IL1RAPL1: variants seen among roughly 807,000 people sequenced by gnomAD.
IL1RAPL1 encodes the protein interleukin 1 receptor accessory protein like 1.
In IL1RAPL1, 3 loss-of-function variants were observed where a neutral mutation model predicts 48.4. The ratio of observed to expected loss-of-function variants is 0.06; its 90% CI spans 0.03 to 0.16. IL1RAPL1 has a LOEUF of 0.16. IL1RAPL1 is among the 10% of genes least tolerant of loss of function. The pLI is 1.00. For missense variants in IL1RAPL1, 349 were observed against 530.6 expected, an observed-to-expected ratio of 0.66 and a Z score of 3.36; for synonymous variants, 185 against 187.7, an observed-to-expected ratio of 0.99 and a Z score of 0.12.
intron 6 of IL1RAPL1, among the ~76,000 whole-genome samples, chrX:29,863,914 G>A (rs1601856772): frequency 1.8e-5 from 2 of 111,412 alleles, no homozygotes; most frequent in African/African-American, 3.3e-5. Context: ...AGCCTCCCAA[G>A]TAGCTGGGAT....
intron 2 of IL1RAPL1, among the ~76,000 whole-genome samples, chrX:29,186,617 A>C (rs1930257251): frequency 9.0e-6 from 1 of 111,299 alleles, no homozygotes; most frequent in Non-Finnish European, 1.9e-5. Context: ...AGGAAAAAGA[A>C]AATTCATCTC....
chrX:29,339,075 TAC>T (rs758487838), intron 3 of IL1RAPL1, among the ~76,000 whole-genome samples: 1,606 of 92,098 alleles, frequency 0.017, 20 homozygotes, highest in East Asian at 0.045. Context: ...GCTGGGTAAA[TAC>T]ACACACACAC....
intron 2 of IL1RAPL1, among the ~76,000 whole-genome samples, chrX:28,984,633 C>G (rs1401894218): frequency 2.7e-5 from 3 of 111,158 alleles, no homozygotes; most frequent in Admixed American, 9.7e-5. Flanking sequence ...GGCATCCTTC[C>G]TTTCTCTCAT....
intron 6 of IL1RAPL1, among the ~76,000 whole-genome samples, chrX:29,697,343 TACAACTGTA>T (rs745829902): frequency 8.9e-6 from 1 of 112,658 alleles, no homozygotes; most frequent in Admixed American, 9.4e-5. Flanking sequence ...GTGGCTTACA[TACAACTGTA>T]AGAATGATCA....
chrX:29,546,344 T>C (rs1921626339), intron 5 of IL1RAPL1, among the ~76,000 whole-genome samples: 1 of 111,478 alleles, frequency 9.0e-6, no homozygotes, highest in Non-Finnish European at 1.9e-5. Flanking sequence ...CTATACAGCC[T>C]GACTTTAGTG....
At chrX:29,255,855 C>G (rs1243336725) in intron 2 of IL1RAPL1, among the ~76,000 whole-genome samples, 1 of 111,405 alleles carries the variant, frequency 9.0e-6, no homozygotes, top group Admixed American at 9.6e-5. Flanking sequence ...TTATCCAGTC[C>G]ACTGTTGATG....
chrX:29,492,503 T>G (rs1253889048), intron 5 of IL1RAPL1, among the ~76,000 whole-genome samples: 1 of 111,796 alleles, frequency 8.9e-6, no homozygotes, highest in African/African-American at 3.3e-5. Context: ...TTCCAGAAGT[T>G]TCTCACATTC....
intron 6 of IL1RAPL1, among the ~76,000 whole-genome samples, chrX:29,846,397 G>A (rs958772290): frequency 1.8e-5 from 2 of 111,866 alleles, no homozygotes; most frequent in Non-Finnish European, 1.9e-5. Flanking sequence ...GAGGACGGAA[G>A]AAATAGACTC....
chrX:29,044,315 A>C (rs1215782250), intron 2 of IL1RAPL1, among the ~76,000 whole-genome samples: 1 of 110,524 alleles, frequency 9.0e-6, no homozygotes, highest in Non-Finnish European at 1.9e-5. Context: ...CTATAATTCC[A>C]GATACTCAGG....
intron 6 of IL1RAPL1, among the ~76,000 whole-genome samples, chrX:29,827,076 T>C (rs145260806): frequency 1.8e-5 from 2 of 112,327 alleles, no homozygotes; most frequent in East Asian, 2.8e-4. Flanking sequence ...AGCAACTCAC[T>C]GTGGTTTTGA....
intron 2 of IL1RAPL1, among the ~76,000 whole-genome samples, chrX:28,922,773 C>G (rs918796667): frequency 1.5e-4 from 17 of 111,848 alleles, no homozygotes; most frequent in African/African-American, 5.2e-4. Flanking sequence ...TTATCTACTA[C>G]TTATATAAGG....
intron 1 of IL1RAPL1, among the ~76,000 whole-genome samples, chrX:28,703,173 C>G (rs781031080): frequency 9.0e-6 from 1 of 111,432 alleles, no homozygotes; most frequent in African/African-American, 3.3e-5. Flanking sequence ...GTCTTACTTT[C>G]TACCTGTGTG....
intron 1 of IL1RAPL1, among the ~76,000 whole-genome samples, chrX:28,636,993 A>G (rs764267825): frequency 8.9e-6 from 1 of 111,749 alleles, no homozygotes; most frequent in East Asian, 2.8e-4. Flanking sequence ...ACAGTGGCAT[A>G]AGGATCCTTA....
intron 5 of IL1RAPL1, among the ~76,000 whole-genome samples, chrX:29,646,830 A>G (rs765785243): frequency 1.8e-5 from 2 of 111,556 alleles, no homozygotes; most frequent in South Asian, 3.7e-4. Context: ...AAGGAAAAAC[A>G]TGCCCACCAA....
At chrX:29,306,552 A>C (rs1226182049) in intron 3 of IL1RAPL1, among the ~76,000 whole-genome samples, 4 of 100,064 alleles carry the variant, frequency 4.0e-5, no homozygotes, top group Admixed American at 1.1e-4. Context: ...AAAAAAAAAA[A>C]ACGAAAAAAC....
intron 5 of IL1RAPL1, among the ~76,000 whole-genome samples, chrX:29,601,363 T>C (rs6526900): frequency 0.43 from 47,980 of 111,008 alleles, 8,465 homozygotes; most frequent in African/African-American, 0.67. Context: ...GATGCCTAGA[T>C]CATTCCTATG....
chrX:28,669,695 AT>A (rs920295171), intron 1 of IL1RAPL1, among the ~76,000 whole-genome samples: 10 of 104,512 alleles, frequency 9.6e-5, no homozygotes, highest in African/African-American at 3.1e-4. Context: ...ATAATTTTAT[AT>A]ATAAATTATA....
chrX:29,230,529 A>AAAAAAAAAAAAAAC (rs869274263), intron 2 of IL1RAPL1, among the ~76,000 whole-genome samples: 2 of 98,638 alleles, frequency 2.0e-5, no homozygotes, highest in African/African-American at 7.6e-5. Context: ...AAAAAAAAAA[A>AAAAAAAAAAAAAAC]AAAAAACCTT....
At chrX:29,773,945 T>C (rs191401268) in intron 6 of IL1RAPL1, among the ~76,000 whole-genome samples, 4 of 112,167 alleles carry the variant, frequency 3.6e-5, no homozygotes, top group Non-Finnish European at 7.5e-5. Flanking sequence ...CTCATGCACA[T>C]GTAACTCTAT....
Sources: allele counts gnomAD v4.1 joint callset (sites outside exome capture counted in the v4.1 genomes callset), GRCh38; gene constraint gnomAD v4.1.1; transcripts MANE v1.5; gene names NCBI Gene and HGNC (gene_info 2026-07-23, HGNC 2026-07-21).